PCDHGB5: variants seen among roughly 807,000 people sequenced by gnomAD.
PCDHGB5 encodes protocadherin gamma subfamily B, 5, also known as protocadherin gamma-B5.
PCDHGB5 carries 48 observed loss-of-function variants against 62.9 expected under a neutral mutation model. The observed-to-expected ratio is 0.76, with a 90% CI of 0.61 to 0.97. The LOEUF (loss-of-function observed/expected upper bound fraction) is 0.97. Among genes scored for constraint, PCDHGB5 ranks in the 50% least tolerant of loss-of-function variants. The probability of loss-of-function intolerance (pLI) is 0.00; values close to 1 mark genes in which losing one functional copy is unlikely to be tolerated. For synonymous variants in PCDHGB5, 474 were observed against 511.2 expected, an observed-to-expected ratio of 0.93 and a Z score of 0.98; for missense variants, 1,118 against 1,198.6, an observed-to-expected ratio of 0.93 and a Z score of 0.99.
At chr5:141,423,360 G>A (rs762976655) in intron 1 of PCDHGB5, 1 of 1,614,224 alleles carries the variant, frequency 6.2e-7, no homozygotes, top group Non-Finnish European at 8.5e-7. Context: ...TTGTCATCGT[G>A]CTGCTGGCAC....
chr5:141,466,206 T>C (rs2099118813), intron 1 of PCDHGB5, among the ~76,000 whole-genome samples: 1 of 152,126 alleles, frequency 6.6e-6, no homozygotes, highest in Admixed American at 6.5e-5. Flanking sequence ...AGCCTTGCTC[T>C]GTTACCCAGG....
intron 2 of PCDHGB5, among the ~76,000 whole-genome samples, chr5:141,503,398 C>A (rs1374324008): frequency 6.6e-6 from 1 of 151,784 alleles, no homozygotes; most frequent in African/African-American, 2.4e-5. Flanking sequence ...AGTTCGAAAC[C>A]AACCTGGCCA....
In PCDHGB5 at chr5:141,486,828, G is replaced by T. The variant is rs140257646; in HGVS notation, c.2398-7979G>T. ...CCCCTTAGCAGCACTGTAACAGTTC[G>T]TCTATTTGTGCTGGACCTCAATGAC... On this transcript the variant is annotated intron_variant, in intron 1 of 3. Coordinates refer to ENST00000617380, the MANE Select transcript of PCDHGB5 (RefSeq NM_018925.3). This position sits in a 1 kb window ranked among gnomAD's most constrained non-coding sequence, Gnocchi z 5.0. The T allele has an allele frequency of 8.7e-6, 14 of 1,614,218 alleles. No homozygotes were observed. The highest frequency in any genetic ancestry group is 1.2e-5 in the Non-Finnish European group (14 of 1,180,042).
rs1247067983 is a variant in PCDHGB5, at chr5:141,511,327, C to T, written c.*154C>T. ...CCCTTGGGAAACAGAAACAAGTGCC[C>T]AGTCAGCACCTACCCCTTCCCCCCC... On this transcript the variant is annotated 3_prime_UTR_variant, in exon 4 of 4. Transcript: ENST00000617380. 28 of 1,455,454 alleles carry T rather than the reference C, an allele frequency of 1.9e-5. No individual in the cohort carries two copies. Among genetic ancestry groups the T allele is most frequent in the Admixed American group, 2.4e-5 (1 of 41,734 alleles). 90.2% of individuals were successfully genotyped at this position (1,455,454 alleles called of 1,614,324 possible). A position where few individuals can be genotyped will look rare whatever the true frequency, so the allele number is the denominator to read the frequency against.
In PCDHGB5 at chr5:141,432,452, C is replaced by T. The variant is rs780149710; in HGVS notation, c.2397+31928C>T. 3.7e-6 allele frequency: 6 copies of T among 1,614,094 alleles called. No homozygotes were observed. The highest frequency in any genetic ancestry group is 1.6e-4 in the Middle Eastern group (1 of 6,082). On this transcript the variant is annotated intron_variant, in intron 1 of 3. Coordinates refer to ENST00000617380, the MANE Select transcript of PCDHGB5 (RefSeq NM_018925.3). The surrounding 1 kb of genome is among the most constrained non-coding windows in gnomAD (Gnocchi z 6.0). ...CGACAATGCGCCCGAGATCCTGTACCCCGCCCTCCCCACGGACGGTTCCAC... is the reference window on the plus strand; with the variant it reads ...CGACAATGCGCCCGAGATCCTGTACTCCGCCCTCCCCACGGACGGTTCCAC...
intron 1 of PCDHGB5, chr5:141,422,103 A>C: frequency 6.2e-7 from 1 of 1,608,206 alleles, no homozygotes; most frequent in Admixed American, 1.7e-5. Context: ...CTTCTGAAAT[A>C]TTCCAATTGG....
rs1223394149 is a variant in PCDHGB5 at position 141,398,273 on chromosome 5, A to G, written c.146A>G (p.Asn49Ser). ...ATGCCCAAGGGCTCCGTAGTGGGGA[A>G]CCTCGCCACGGACCTGGGGTTCAGC... ...EEMPKGSVVG[N>S]LATDLGFSVQ... is the part of the protein sequence containing the mutation. Residue 49 changes from asparagine to serine, a missense_variant, in exon 1 of 4, where the codon AAC (asparagine) becomes AGC (serine). By Grantham distance (46) the Asn-to-Ser change is conservative. Transcript: ENST00000617380. 1 of 1,414,722 alleles carries G rather than the reference A, an allele frequency of 7.1e-7. No homozygotes were observed. Among genetic ancestry groups the G allele is most frequent in the Non-Finnish European group, 9.6e-7 (1 of 1,036,688 alleles). 87.6% of individuals were successfully genotyped at this position (1,414,722 alleles called of 1,614,324 possible).
rs761905572 is a variant in PCDHGB5 at position 141,486,493 on chromosome 5, T to A, written c.2398-8314T>A. The A allele has an allele frequency of 2.5e-6, 4 of 1,614,136 alleles. No homozygotes were observed. The highest frequency in any genetic ancestry group is 1.7e-4 in the Middle Eastern group (1 of 6,060). On this transcript the variant is annotated intron_variant, in intron 1 of 3. Transcript: ENST00000617380. This position sits in a 1 kb window ranked among gnomAD's most constrained non-coding sequence, Gnocchi z 5.0. ...ACCCTCCTCTCAGTACCCACAGAAC[T>A]ATTTTCCTCAATATTTCAGATGTGA... is the stretch of plus-strand genomic sequence containing the variant.
intron 1 of PCDHGB5, chr5:141,410,447 C>G (rs760711107): frequency 1.2e-6 from 2 of 1,613,984 alleles, no homozygotes; most frequent in Non-Finnish European, 1.7e-6. Context: ...GGGGACTTTG[C>G]CTTATTCTTA....
rs758515649 is a variant in PCDHGB5 at position 141,432,368 on chromosome 5, A to G, written c.2397+31844A>G. On this transcript the variant is annotated intron_variant, in intron 1 of 3. Coordinates refer to ENST00000617380, the MANE Select transcript of PCDHGB5 (RefSeq NM_018925.3). This position sits in a 1 kb window ranked among gnomAD's most constrained non-coding sequence, Gnocchi z 6.0. ...GCAAGTGAAAGTGATGGCGCGGGAC[A>G]ACGGGCACCCGCCCCTCAGCAGCAA... 1.2e-6 allele frequency: 2 copies of G among 1,614,110 alleles called. No homozygotes were observed. Among genetic ancestry groups the G allele is most frequent in the Non-Finnish European group, 1.7e-6 (2 of 1,180,054 alleles).
chr5:141,414,408 C>A (rs1190630924), intron 1 of PCDHGB5: 1 of 1,613,752 alleles, frequency 6.2e-7, no homozygotes, highest in Non-Finnish European at 8.5e-7. Context: ...TGGTGATACA[C>A]AGAGCCCTTG....
chr5:141,423,488 ATTC>A, intron 1 of PCDHGB5: 1 of 1,613,954 alleles, frequency 6.2e-7, no homozygotes, highest in Non-Finnish European at 8.5e-7. Flanking sequence ...CTGCAAACCT[ATTC>A]CCACGAGGTC....
At chr5:141,429,657 A>G (rs1455808092) in intron 1 of PCDHGB5, among the ~76,000 whole-genome samples, 1 of 152,232 alleles carries the variant, frequency 6.6e-6, no homozygotes, top group African/African-American at 2.4e-5. Flanking sequence ...TTCCCAATTT[A>G]AAATATATTA....
In PCDHGB5 at chr5:141,398,835, T is replaced by G. The variant is rs371527677; in HGVS notation, c.708T>G (p.Asn236Lys). 60 of 1,613,796 alleles carry G rather than the reference T, an allele frequency of 3.7e-5. No individual in the cohort carries two copies. Among genetic ancestry groups the G allele is most frequent in the Non-Finnish European group, 4.9e-5 (58 of 1,179,886 alleles). Residue 236 changes from asparagine to lysine, a missense_variant, in exon 1 of 4, where the codon AAT becomes AAG. Physicochemically the swap from Asn to Lys is moderately conservative, Grantham distance 94 (BLOSUM62 0). This residue lies in a region of PCDHGB5 where 1,034 missense variants were observed against 1,029.1 expected (regional missense o/e 1.00). Coordinates refer to ENST00000617380, the MANE Select transcript of PCDHGB5 (RefSeq NM_018925.3). ...TCCGGATCCAGGTAACCGACGCCAA[T>G]GATAATCCCCCGGTATTCAACCGAG... ...TELRIQVTDA[N>K]DNPPVFNRDV...
At position 141,400,175 on chromosome 5, in the gene PCDHGB5, A is replaced by G. The variant is rs374505357; in HGVS notation, c.2048A>G (p.Glu683Gly). The change falls in exon 1 of 4, where the codon GAG becomes GGG. Residue 683 changes from glutamate (E) to glycine (G), a missense_variant. Glu to Gly is a moderately conservative substitution (Grantham distance 98). Around this residue, in one of 2 missense-constraint regions of PCDHGB5, gnomAD observed 1,034 missense variants for 1,029.1 expected, o/e 1.00. Coordinates refer to ENST00000617380, the MANE Select transcript of PCDHGB5 (RefSeq NM_018925.3). ...DRPVPSDPQAELQFYLVVALA... is the reference protein window; with the variant it reads ...DRPVPSDPQAGLQFYLVVALA... Reference sequence around the variant, plus strand: ...CCTGTACCCTCTGACCCCCAGGCTGAGCTGCAGTTTTACCTAGTGGTGGCC... The same window carrying G: ...CCTGTACCCTCTGACCCCCAGGCTGGGCTGCAGTTTTACCTAGTGGTGGCC... 1 of 1,613,918 alleles carries G rather than the reference A, an allele frequency of 6.2e-7. No individual in the cohort carries two copies. The highest frequency in any genetic ancestry group is 8.5e-7 in the Non-Finnish European group (1 of 1,179,918).
At position 141,491,681 on chromosome 5, in the gene PCDHGB5, C is replaced by T; in HGVS notation, c.2398-3126C>T. 6.2e-6 allele frequency: 10 copies of T among 1,613,458 alleles called. No homozygotes were observed. Among genetic ancestry groups the T allele is most frequent in the Non-Finnish European group, 8.5e-6 (10 of 1,179,804 alleles). On this transcript the variant is annotated intron_variant, in intron 1 of 3. Transcript: ENST00000617380. The surrounding 1 kb of genome is among the most constrained non-coding windows in gnomAD (Gnocchi z 6.9). ...GACGCCATCCGGTCCCGCTCTAATA[C>T]GCTGCGGGAGCGGAGCCAGGTGAGG...
chr5:141,412,805 A>G (rs2095578499), intron 1 of PCDHGB5, among the ~76,000 whole-genome samples: 1 of 152,246 alleles, frequency 6.6e-6, no homozygotes, highest in Non-Finnish European at 1.5e-5. Context: ...ACCTCCCCTA[A>G]GAAACCTACA....
In PCDHGB5 at chr5:141,398,504, T is replaced by C; in HGVS notation, c.377T>C (p.Ile126Thr). 6.2e-7 allele frequency: 1 copy of C among 1,611,098 alleles called. No individual in the cohort carries two copies. The highest frequency in any genetic ancestry group is 1.7e-5 in the Admixed American group (1 of 59,822). The change falls in exon 1 of 4, where the codon ATT (isoleucine) becomes ACT (threonine). Residue 126 changes from isoleucine to threonine, a missense_variant. Ile to Thr is a moderately conservative substitution (Grantham distance 89, BLOSUM62 -1). Coordinates refer to ENST00000617380, the MANE Select transcript of PCDHGB5 (RefSeq NM_018925.3). ...FYHVNVEIED[I>T]NDHTPKFTQN... ...CACGTGAATGTGGAGATCGAGGACA[T>C]TAATGACCACACGCCAAAATTCACG...
Position 141,399,625 on chromosome 5 carries a change from T to C in PCDHGB5, c.1498T>C (p.Tyr500His), listed in dbSNP as rs1270466401. 5.6e-6 allele frequency: 9 copies of C among 1,613,796 alleles called. No homozygotes were observed. Among genetic ancestry groups the C allele is most frequent in the African/African-American group, 1.3e-5 (1 of 74,956 alleles). Residue 500 changes from tyrosine (Y) to histidine (H), a missense_variant, in exon 1 of 4, where the codon TAC (tyrosine) becomes CAC (histidine). Transcript: ENST00000617380. ...CCTAGAGCCTCTGGCACTGGCCTCT[T>C]ACGTGTCCATGAGCGCGCAAAGTGG... ...SDLEPLALAS[Y>H]VSMSAQSGVV...
Sources: allele counts gnomAD v4.1 joint callset (sites outside exome capture counted in the v4.1 genomes callset), GRCh38; gene constraint gnomAD v4.1.1; regional missense constraint gnomAD v4.1.1; non-coding constraint Gnocchi (gnomAD v3.1); transcripts MANE v1.5; gene names NCBI Gene and HGNC (gene_info 2026-07-23, HGNC 2026-07-21).